Variants in FAM227B observed in about 807,000 individuals in gnomAD.
The protein encoded by FAM227B is family with sequence similarity 227 member B.
FAM227B carries 88 observed loss-of-function variants against 73.8 expected under a neutral mutation model. The ratio of observed to expected loss-of-function variants is 1.19; its 90% CI spans 1.00 to 1.42. FAM227B has a LOEUF of 1.42. FAM227B is among the 40% of genes most tolerant of loss of function. The pLI, the probability that FAM227B is intolerant of heterozygous loss-of-function variation, is 0.00. For missense variants in FAM227B, 632 were observed against 590.9 expected (o/e 1.07, Z -0.72); for synonymous variants, 210 against 190.5 (o/e 1.10, Z -0.84).
At chr15:49,609,932 T>C (rs2077778177) in intron 3 of FAM227B, among the ~76,000 whole-genome samples, 1 of 151,954 alleles carries the variant, frequency 6.6e-6, no homozygotes, top group African/African-American at 2.4e-5. Context: ...TTGAAGGCTA[T>C]AAATATAGCC....
chr15:49,533,245 A>G (rs557754352), intron 10 of FAM227B, among the ~76,000 whole-genome samples: 109 of 152,120 alleles, frequency 7.2e-4, no homozygotes, highest in African/African-American at 2.5e-3. Context: ...GATGCTTGAT[A>G]TGATTTTAGC....
At chr15:49,460,747 G>A (rs2053717610) in intron 11 of FAM227B, among the ~76,000 whole-genome samples, 1 of 152,106 alleles carries the variant, frequency 6.6e-6, no homozygotes, top group South Asian at 2.1e-4. Context: ...TATAAAAACT[G>A]TGCAGCTTCT....
At chr15:49,369,701 G>A (rs1342702795) in intron 12 of FAM227B, among the ~76,000 whole-genome samples, 3 of 152,114 alleles carry the variant, frequency 2.0e-5, no homozygotes, top group African/African-American at 7.2e-5. Context: ...TTCGGTGCCT[G>A]GAAAATTTTT....
rs552466030 is a variant in FAM227B at position 49,358,289 on chromosome 15, G to A, written c.1271+9159C>T. ...GGGTATTCAATTAGGAAAAGAGGAAGTCAAATTGTCCCTGTTTGCAGACGA... is the reference window on the plus strand; with the variant it reads ...GGGTATTCAATTAGGAAAAGAGGAAATCAAATTGTCCCTGTTTGCAGACGA... On this transcript the variant is annotated intron_variant, in intron 13 of 15. Transcript: ENST00000299338. Among the ~76,000 whole-genome samples the A allele has an allele frequency of 1.9e-3, 257 of 132,734 alleles. 7 individuals carry two copies. The highest frequency in any genetic ancestry group is 7.2e-3 in the African/African-American group (249 of 34,816). 87.1% of individuals were successfully genotyped at this position (132,734 alleles called of 152,430 possible).
intron 11 of FAM227B, among the ~76,000 whole-genome samples, chr15:49,451,968 A>T (rs1007950634): frequency 6.6e-6 from 1 of 152,134 alleles, no homozygotes; most frequent in African/African-American, 2.4e-5. Flanking sequence ...AAAAAATGCT[A>T]TTTGAGAAAC....
intron 11 of FAM227B, chr15:49,422,695 T>C: frequency 8.2e-7 from 1 of 1,218,752 alleles, no homozygotes; most frequent in Non-Finnish European, 1.2e-6. Context: ...AATAAGAATC[T>C]AGATCTTCTC....
chr15:49,346,022 C>G (rs1391812116), intron 13 of FAM227B, among the ~76,000 whole-genome samples: 10 of 151,466 alleles, frequency 6.6e-5, no homozygotes, highest in Admixed American at 6.6e-4. Flanking sequence ...TCTGCCTGCC[C>G]TGCTTGCTTT....
Position 49,367,478 on chromosome 15 carries a change from T to A in FAM227B, c.1241A>T (p.Lys414Met). Residue 414 changes from lysine (K) to methionine (M), a missense_variant, in exon 13 of 16, where the codon AAG (lysine) becomes ATG (methionine). By Grantham distance (95) the Lys-to-Met change is moderately conservative. Transcript: ENST00000299338. ...CTGGAATATCTTAGTGAGTTTAATC[T>A]TGGTTTTCTTAGGTGCTTTGGAAAT... ...AGISKAPKKT[K>M]IKLTKIFQEP... 6.3e-7 allele frequency: 1 copy of A among 1,596,838 alleles called. No individual in the cohort carries two copies. Among genetic ancestry groups the A allele is most frequent in the South Asian group, 1.2e-5 (1 of 86,894 alleles).
At chr15:49,541,559 C>T in intron 10 of FAM227B, 121 bp downstream of exon 10, 2 of 836,602 alleles carry the variant, frequency 2.4e-6, no homozygotes, top group Non-Finnish European at 3.3e-6. Context: ...ATGGGTACTG[C>T]TATGGCATGC....
At chr15:49,533,510 C>A (rs1263007955) in intron 10 of FAM227B, among the ~76,000 whole-genome samples, 1 of 151,754 alleles carries the variant, frequency 6.6e-6, no homozygotes, top group Non-Finnish European at 1.5e-5. Context: ...TCTACTTCTT[C>A]CCTCAGTTCT....
intron 11 of FAM227B, among the ~76,000 whole-genome samples, chr15:49,409,111 A>C (rs535549619): frequency 1.3e-5 from 2 of 152,208 alleles, no homozygotes; most frequent in South Asian, 2.1e-4. Flanking sequence ...AGTATTATGG[A>C]TGGCTGGCAT....
Position 49,444,714 on chromosome 15 carries a change from T to C in FAM227B, c.1012+63497A>G, listed in dbSNP as rs1338389175. 8.6e-5 allele frequency among the ~76,000 whole-genome samples: 13 copies of C among 151,732 alleles called. No homozygotes were observed. The Admixed American group carries it at 8.6e-4, about 10-fold the overall frequency. On this transcript the variant is annotated intron_variant, in intron 11 of 15. Transcript: ENST00000299338. ...CCCTTTGTGCATATGTTCCGGGGTC[T>C]GTCTCAAAGGCTAGAAATAAATTGC...
At chr15:49,416,772 G>GACACACAC (rs5812484) in intron 11 of FAM227B, among the ~76,000 whole-genome samples, 27 of 149,960 alleles carry the variant, frequency 1.8e-4, no homozygotes, top group African/African-American at 4.9e-4. Flanking sequence ...CACACACATA[G>GACACACAC]ACACACACAC....
chr15:49,558,717 G>T (rs2073975181), intron 9 of FAM227B, among the ~76,000 whole-genome samples: 1 of 152,096 alleles, frequency 6.6e-6, no homozygotes, highest in African/African-American at 2.4e-5. Flanking sequence ...TGAACTCTGG[G>T]TTAGCCTGAT....
chr15:49,578,200 G>A (rs946309756), intron 5 of FAM227B, among the ~76,000 whole-genome samples: 13 of 152,156 alleles, frequency 8.5e-5, no homozygotes, highest in East Asian at 5.8e-4. Context: ...AACTTGAGCT[G>A]TCACTGGATG....
chr15:49,434,008 A>G (rs951776465), intron 11 of FAM227B, among the ~76,000 whole-genome samples: 2 of 151,852 alleles, frequency 1.3e-5, no homozygotes, highest in African/African-American at 2.4e-5. Context: ...GGTGATCAGC[A>G]CTGAAGGGAG....
At chr15:49,543,254 A>AC (rs1439623882) in intron 9 of FAM227B, among the ~76,000 whole-genome samples, 2 of 152,118 alleles carry the variant, frequency 1.3e-5, no homozygotes, top group East Asian at 3.8e-4. Context: ...TTTCCCTAAT[A>AC]ATCAGCGATG....
intron 10 of FAM227B, among the ~76,000 whole-genome samples, chr15:49,509,248 A>C (rs969810258): frequency 5.3e-5 from 8 of 152,122 alleles, no homozygotes; most frequent in Admixed American, 4.6e-4. Context: ...AAAAATCAAA[A>C]AGCATTTAAA....
At chr15:49,506,470 G>A (rs2058591806) in intron 11 of FAM227B, among the ~76,000 whole-genome samples, 1 of 151,904 alleles carries the variant, frequency 6.6e-6, no homozygotes, top group Admixed American at 6.6e-5. Flanking sequence ...TGATCTAATT[G>A]AGATTTTTTT....
Sources: gnomAD v4.1 joint callset for allele counts (sites outside exome capture counted in the v4.1 genomes callset) on GRCh38, gnomAD v4.1.1 for gene constraint, MANE v1.5 for transcripts, NCBI Gene and HGNC (gene_info 2026-07-23, HGNC 2026-07-21) for gene names.